The following SYNE2 variants were observed in gnomAD, a reference collection of about 807,000 sequenced individuals.
The protein encoded by SYNE2 is spectrin repeat containing nuclear envelope protein 2, also known as nesprin-2.
In SYNE2, 431 loss-of-function variants were observed where a neutral mutation model predicts 856.3. That is an observed-to-expected ratio of 0.50 (90% CI 0.47 to 0.55). The LOEUF (loss-of-function observed/expected upper bound fraction) is 0.55. SYNE2 is among the 20% of genes least tolerant of loss of function. The pLI, the probability that SYNE2 is intolerant of heterozygous loss-of-function variation, is 0.00. For synonymous variants in SYNE2, 2,923 were observed against 2,872.3 expected, an observed-to-expected ratio of 1.02 and a Z score of -0.56; for missense variants, 8,129 against 8,023.2, an observed-to-expected ratio of 1.01 and a Z score of -0.50.
At chr14:63,954,399 G>T (rs770163126) in intron 7 of SYNE2, among the ~76,000 whole-genome samples, 3 of 152,150 alleles carry the variant, frequency 2.0e-5, no homozygotes, top group Non-Finnish European at 2.9e-5. Context: ...TAAAGGCACA[G>T]ATTTCAGGCC....
At chr14:63,888,856 A>C (rs986610490) in intron 1 of SYNE2, among the ~76,000 whole-genome samples, 6 of 152,166 alleles carry the variant, frequency 3.9e-5, no homozygotes, top group African/African-American at 1.4e-4. Context: ...GAAAATACTG[A>C]TGCTTAATAT....
In SYNE2 at chr14:64,217,640, A is replaced by G. The variant is rs146208335; in HGVS notation, c.19543-758A>G. Among the ~76,000 whole-genome samples, 1,347 of 152,294 alleles carry G rather than the reference A, an allele frequency of 8.8e-3. 19 individuals are homozygous for G. Among genetic ancestry groups the G allele is most frequent in the African/African-American group, 0.031 (1,282 of 41,548 alleles). On this transcript the variant is annotated intron_variant, in intron 108 of 115. Coordinates refer to ENST00000555002, the MANE Select transcript of SYNE2 (RefSeq NM_182914.3). The stretch of plus-strand genomic sequence containing the variant: ...CATCCTTGGCTCATGTGGCTTGGCT[A>G]TCCCTTCCTGTGATGACGCCTGTGT...
intron 1 of SYNE2, among the ~76,000 whole-genome samples, chr14:63,823,869 T>G (rs1371900324): frequency 1.3e-5 from 2 of 151,916 alleles, no homozygotes; most frequent in African/African-American, 4.8e-5. Context: ...ATTCCTGGGC[T>G]CAAGCAATAC....
intron 18 of SYNE2, among the ~76,000 whole-genome samples, chr14:63,985,047 T>C (rs1243867796): frequency 1.3e-5 from 2 of 152,172 alleles, no homozygotes; most frequent in African/African-American, 4.8e-5. Flanking sequence ...ACTTTCAGAA[T>C]GTATCTTTCG....
At chr14:63,973,838 C>T (rs986377241) in intron 11 of SYNE2, among the ~76,000 whole-genome samples, 1 of 152,074 alleles carries the variant, frequency 6.6e-6, no homozygotes, top group African/African-American at 2.4e-5. Flanking sequence ...GGTTAAATAT[C>T]TTTTAGATAT....
chr14:64,174,355 A>G (rs1458877383), intron 94 of SYNE2, among the ~76,000 whole-genome samples: 2 of 152,222 alleles, frequency 1.3e-5, no homozygotes, highest in African/African-American at 4.8e-5. Context: ...TACAGGCATG[A>G]GCCATCACTT....
Position 64,167,388 on chromosome 14 carries a change from G to A in SYNE2, c.16760+1G>A. ...CGGCCACGGCACTGGAGCGCTGCAG[G>A]TTAGAACATCCCTTCTCTGTCGTTG... On this transcript the variant is annotated splice_donor_variant, in intron 91 of 115. Coordinates refer to ENST00000555002, the MANE Select transcript of SYNE2 (RefSeq NM_182914.3). LOFTEE classifies it high-confidence loss of function. The A allele has an allele frequency of 6.2e-7, 1 of 1,614,240 alleles. No individual in the cohort carries two copies. The highest frequency in any genetic ancestry group is 1.1e-5 in the South Asian group (1 of 91,086).
chr14:64,100,561 T>TAGATATAG (rs2097719586), intron 63 of SYNE2, among the ~76,000 whole-genome samples: 1 of 129,074 alleles, frequency 7.7e-6, no homozygotes, highest in Non-Finnish European at 1.6e-5. Context: ...TATATATATA[T>TAGATATAG]ATATATATAT....
chr14:63,798,474 A>G (rs1595119851), intron 1 of SYNE2, among the ~76,000 whole-genome samples: 1 of 147,776 alleles, frequency 6.8e-6, no homozygotes, highest in African/African-American at 2.5e-5. Context: ...GCTCACTACA[A>G]CCTCCGCCTC....
At chr14:64,020,155 T>C (rs2096925751) in intron 35 of SYNE2, 62 bp downstream of exon 35, 1 of 1,161,236 alleles carries the variant, frequency 8.6e-7, no homozygotes, top group Non-Finnish European at 1.3e-6. Context: ...ATCATATCAC[T>C]GCACTCCAGC....
chr14:63,782,994 G>A (rs1887370889), intron 1 of SYNE2, among the ~76,000 whole-genome samples: 1 of 151,996 alleles, frequency 6.6e-6, no homozygotes, highest in Non-Finnish European at 1.5e-5. Flanking sequence ...GCGATATTGG[G>A]ACAATCTGAC....
chr14:63,858,749 A>G (rs1892634508), intron 1 of SYNE2, among the ~76,000 whole-genome samples: 1 of 152,150 alleles, frequency 6.6e-6, no homozygotes, highest in East Asian at 1.9e-4. Context: ...AAATTTCACC[A>G]GAGTTTTGGA....
At chr14:63,994,060 C>T (rs1207480656) in intron 22 of SYNE2, 91 bp downstream of exon 22, 1 of 1,360,664 alleles carries the variant, frequency 7.3e-7, no homozygotes, top group African/African-American at 1.4e-5. Flanking sequence ...GTTTTCCTGT[C>T]TACGTTGTAT....
intron 6 of SYNE2, among the ~76,000 whole-genome samples, chr14:63,943,921 A>G (rs1000120666): frequency 2.0e-5 from 3 of 151,974 alleles, no homozygotes; most frequent in African/African-American, 7.2e-5. Context: ...CACCTGCCTC[A>G]GCCTCCAAAA....
At chr14:64,199,101 G>T (rs2098551147) in intron 99 of SYNE2, among the ~76,000 whole-genome samples, 2 of 152,194 alleles carry the variant, frequency 1.3e-5, no homozygotes, top group African/African-American at 4.8e-5. Flanking sequence ...GAGCCTTCCA[G>T]CCTCCTCCCC....
In SYNE2 at chr14:64,029,963, G is replaced by C. The variant is rs1594975637; in HGVS notation, c.6783G>C (p.Leu2261=). 1.2e-6 allele frequency: 2 copies of C among 1,614,090 alleles called. No homozygotes were observed. The highest frequency in any genetic ancestry group is 1.7e-6 in the Non-Finnish European group (2 of 1,179,994). The change falls in exon 44 of 116, where the codon CTG becomes CTC. Residue 2261 remains leucine, a synonymous_variant. Transcript: ENST00000555002. ...CATACCAGGTTTGCGTCACAGACCT[G>C]AATACTACATTGGACAATTTCTCCA... is the stretch of plus-strand genomic sequence containing the variant. ...HDSYQVCVTD[L]NTTLDNFSKE...
chr14:64,107,634 C>T, intron 65 of SYNE2, 27 bp downstream of exon 65: 2 of 1,560,780 alleles, frequency 1.3e-6, no homozygotes, highest in South Asian at 2.2e-5. Flanking sequence ...AATAAGTAAA[C>T]TGCTCAGATA....
intron 1 of SYNE2, among the ~76,000 whole-genome samples, chr14:63,838,311 TGGG>T (rs1433654523): frequency 1.3e-5 from 2 of 152,176 alleles, no homozygotes; most frequent in Non-Finnish European, 2.9e-5. Context: ...CACTCTGGCC[TGGG>T]TGTCAGAGCA....
intron 11 of SYNE2, 22 bp from the exon 12 acceptor site, chr14:63,976,541 T>A: frequency 9.4e-6 from 1 of 105,992 alleles, no homozygotes; most frequent in Non-Finnish European, 1.4e-5. Flanking sequence ...GAATATGTTC[T>A]TTTTTTTTTT....
Sources: gnomAD v4.1 joint callset for allele counts (sites outside exome capture counted in the v4.1 genomes callset) on GRCh38, gnomAD v4.1.1 for gene constraint, MANE v1.5 for transcripts, NCBI Gene and HGNC (gene_info 2026-07-23, HGNC 2026-07-21) for gene names.